The following RBMS3 variants were observed in gnomAD, a reference collection of about 807,000 sequenced individuals.
RBMS3 encodes the protein RNA binding motif single stranded interacting protein 3, also known as RNA-binding motif, single-stranded-interacting protein 3.
RBMS3 carries 27 observed loss-of-function variants against 66.8 expected under a neutral mutation model. The ratio of observed to expected loss-of-function variants is 0.40; its 90% confidence interval spans 0.30 to 0.56. The LOEUF (loss-of-function observed/expected upper bound fraction) is 0.56, where lower values mean the gene tolerates loss of function less well. RBMS3 is among the 20% of genes least tolerant of loss of function. RBMS3 has a pLI of 0.40. For synonymous variants in RBMS3, 188 were observed against 183.0 expected (o/e 1.03, Z -0.22); for missense variants, 513 against 549.5 (o/e 0.93, Z 0.66).
At chr3:29,790,177 T>C (rs1450109136) in intron 6 of RBMS3, among the ~76,000 whole-genome samples, 1 of 152,132 alleles carries the variant, frequency 6.6e-6, no homozygotes, top group Non-Finnish European at 1.5e-5. Context: ...GAAAATACTT[T>C]TTGCTCAATA....
At chr3:29,517,315 A>C in intron 3 of RBMS3, among the ~76,000 whole-genome samples, 1 of 128,096 alleles carries the variant, frequency 7.8e-6, no homozygotes. Context: ...GTGTATATAT[A>C]TATATTTTTT....
At chr3:29,633,920 T>G (rs2049375219) in intron 4 of RBMS3, among the ~76,000 whole-genome samples, 1 of 151,906 alleles carries the variant, frequency 6.6e-6, no homozygotes, top group South Asian at 2.1e-4. Context: ...TAATCTCATC[T>G]TTTTTTCTAA....
At chr3:29,643,756 C>T (rs141562323) in intron 4 of RBMS3, among the ~76,000 whole-genome samples, 113 of 152,158 alleles carry the variant, frequency 7.4e-4, no homozygotes, top group African/African-American at 2.6e-3. Flanking sequence ...AGAAAAGAGA[C>T]AGTTAATGGA....
intron 2 of RBMS3, among the ~76,000 whole-genome samples, chr3:29,440,899 T>A (rs1559363889): frequency 6.6e-6 from 1 of 152,234 alleles, no homozygotes. Flanking sequence ...CACAATAATC[T>A]GTCAGACTGT....
At chr3:29,962,549 C>T (rs1474457727) in intron 12 of RBMS3, among the ~76,000 whole-genome samples, 1 of 127,602 alleles carries the variant, frequency 7.8e-6, no homozygotes, top group Non-Finnish European at 1.5e-5. Flanking sequence ...TGGGTCAAGA[C>T]TCATATATAT....
chr3:29,982,174 T>G (rs1698040478), intron 12 of RBMS3, among the ~76,000 whole-genome samples: 1 of 152,188 alleles, frequency 6.6e-6, no homozygotes. Flanking sequence ...GTCCAGTAGT[T>G]TATCCATTTC....
At chr3:29,602,029 A>G (rs2048162433) in intron 4 of RBMS3, among the ~76,000 whole-genome samples, 1 of 152,050 alleles carries the variant, frequency 6.6e-6, no homozygotes, top group Non-Finnish European at 1.5e-5. Context: ...ACACAGTCTG[A>G]TCTCTAAATA....
At chr3:29,605,251 C>T (rs1032877122) in intron 4 of RBMS3, among the ~76,000 whole-genome samples, 7 of 151,738 alleles carry the variant, frequency 4.6e-5, no homozygotes, top group Admixed American at 2.0e-4. Context: ...AAACATTTTA[C>T]GATTGTTTAG....
intron 1 of RBMS3, among the ~76,000 whole-genome samples, chr3:29,423,153 G>A (rs1462180160): frequency 6.6e-6 from 1 of 152,054 alleles, no homozygotes; most frequent in Non-Finnish European, 1.5e-5. Context: ...TTTCTCTTTT[G>A]GGATGGCAGG....
At chr3:29,825,386 T>C (rs1032497601) in intron 6 of RBMS3, among the ~76,000 whole-genome samples, 1 of 152,100 alleles carries the variant, frequency 6.6e-6, no homozygotes, top group Non-Finnish European at 1.5e-5. Flanking sequence ...CTGGTTAATA[T>C]TGTTCAGCTG....
chr3:29,360,230 G>T (rs1418938363), intron 1 of RBMS3, among the ~76,000 whole-genome samples: 1 of 151,892 alleles, frequency 6.6e-6, no homozygotes. Context: ...GTGTCCCAGA[G>T]ATTCTGGTAC....
chr3:29,345,053 G>T (rs181412056), intron 1 of RBMS3, among the ~76,000 whole-genome samples: 15 of 152,290 alleles, frequency 9.8e-5, no homozygotes, highest in African/African-American at 3.6e-4. Flanking sequence ...TGATGGCAGC[G>T]ATATTTGTCT....
At chr3:29,517,317 A>AT (rs1325209458) in intron 3 of RBMS3, among the ~76,000 whole-genome samples, 16 of 129,138 alleles carry the variant, frequency 1.2e-4, no homozygotes, top group African/African-American at 4.7e-4. Flanking sequence ...GTATATATAT[A>AT]TATTTTTTTT....
chr3:29,749,430 A>G (rs2055074249), intron 5 of RBMS3, among the ~76,000 whole-genome samples: 1 of 152,216 alleles, frequency 6.6e-6, no homozygotes, highest in Non-Finnish European at 1.5e-5. Context: ...GATTATTTGT[A>G]TAAAGTGTAA....
At chr3:29,569,442 C>A (rs768006086) in intron 3 of RBMS3, among the ~76,000 whole-genome samples, 1 of 151,986 alleles carries the variant, frequency 6.6e-6, no homozygotes, top group Non-Finnish European at 1.5e-5. Context: ...AAAAAAATTC[C>A]ACTTTCAACT....
At chr3:29,771,005 T>TATGATCTAATTTTTAGA (rs1337655940) in intron 6 of RBMS3, among the ~76,000 whole-genome samples, 2 of 152,026 alleles carry the variant, frequency 1.3e-5, no homozygotes, top group Admixed American at 6.6e-5. Context: ...CCTCATCATT[T>TATGATCTAATTTTTAGA]ATGATCTAAT....
At chr3:29,337,531 T>C (rs1255578361) in intron 1 of RBMS3, among the ~76,000 whole-genome samples, 1 of 151,870 alleles carries the variant, frequency 6.6e-6, no homozygotes, top group Non-Finnish European at 1.5e-5. Context: ...TTCTAGCTAC[T>C]TGGGTGGCTG....
intron 3 of RBMS3, among the ~76,000 whole-genome samples, chr3:29,568,445 GAATTA>G (rs1161407249): frequency 3.9e-5 from 6 of 152,132 alleles, no homozygotes; most frequent in Non-Finnish European, 8.8e-5. Context: ...TAAAACAAAC[GAATTA>G]AATTAAGGTG....
intron 3 of RBMS3, among the ~76,000 whole-genome samples, chr3:29,550,993 A>C (rs114162263): frequency 8.8e-4 from 134 of 152,320 alleles, no homozygotes; most frequent in African/African-American, 3.1e-3. Context: ...CATTCTCTCT[A>C]TGACATTTAT....
Sources: allele counts gnomAD v4.1 joint callset (sites outside exome capture counted in the v4.1 genomes callset), GRCh38; gene constraint gnomAD v4.1.1; transcripts MANE v1.5; gene names NCBI Gene and HGNC (gene_info 2026-07-23, HGNC 2026-07-21).